Variants in ZBTB37 observed in about 807,000 individuals in gnomAD.
ZBTB37 encodes the protein zinc finger and BTB domain containing 37.
In ZBTB37, 15 loss-of-function variants were observed where a neutral mutation model predicts 37.7. The observed-to-expected ratio is 0.40, with a 90% CI of 0.27 to 0.61. ZBTB37 has a LOEUF of 0.61. ZBTB37 is among the 20% of genes least tolerant of loss of function. ZBTB37 has a pLI of 0.44. For synonymous variants in ZBTB37, 231 were observed against 220.6 expected, an observed-to-expected ratio of 1.05 and a Z score of -0.42; for missense variants, 514 against 641.9, an observed-to-expected ratio of 0.80 and a Z score of 2.15.
chr1:173,882,461 C>T (rs186886131), intron 4 of ZBTB37, among the ~76,000 whole-genome samples: 3 of 151,914 alleles, frequency 2.0e-5, no homozygotes, highest in South Asian at 2.1e-4. Context: ...AGGATGGTCT[C>T]GATCTGCTGA....
intron 3 of ZBTB37, among the ~76,000 whole-genome samples, chr1:173,872,064 A>G (rs1020573754): frequency 1.3e-5 from 2 of 152,102 alleles, no homozygotes; most frequent in Non-Finnish European, 2.9e-5. Flanking sequence ...TGGTCTTTTT[A>G]TTTTATTTTA....
chr1:173,870,972 T>C (rs1289778418), exon 3 of ZBTB37: 1 of 1,613,944 alleles, frequency 6.2e-7, no homozygotes, highest in Non-Finnish European at 8.5e-7. Flanking sequence ...AAACTGAAAA[T>C]CTGGAGGAGT....
intron 4 of ZBTB37, among the ~76,000 whole-genome samples, chr1:173,880,838 T>C (rs1423589634): frequency 6.6e-6 from 1 of 152,240 alleles, no homozygotes; most frequent in Non-Finnish European, 1.5e-5. Flanking sequence ...GATCATAATG[T>C]GTGATGTTTG....
chr1:173,875,008 T>G (rs1655852323), intron 4 of ZBTB37, among the ~76,000 whole-genome samples: 1 of 152,006 alleles, frequency 6.6e-6, no homozygotes, highest in Non-Finnish European at 1.5e-5. Flanking sequence ...TCTTTCCTGA[T>G]TATAATAACC....
exon 4 of ZBTB37, chr1:173,896,204 T>C (rs1393664102): frequency 6.6e-6 from 1 of 152,238 alleles, no homozygotes; most frequent in African/African-American, 2.4e-5. Context: ...AATTAGATTT[T>C]ATCATATAAA....
At chr1:173,896,842 G>A (rs891455596) in exon 4 of ZBTB37, 2 of 152,118 alleles carry the variant, frequency 1.3e-5, no homozygotes, top group African/African-American at 4.8e-5. Context: ...GCAGTGCAGG[G>A]AACAAAGCTT....
At chr1:173,881,850 C>A (rs914826139) in intron 4 of ZBTB37, among the ~76,000 whole-genome samples, 5 of 152,064 alleles carry the variant, frequency 3.3e-5, no homozygotes, top group Admixed American at 2.0e-4. Context: ...GTCAGGAGAT[C>A]AAGACCATCC....
chr1:173,899,792 T>G (rs929927309), exon 4 of ZBTB37: 2 of 152,202 alleles, frequency 1.3e-5, no homozygotes, highest in African/African-American at 2.4e-5. Context: ...TGATATTCCA[T>G]GCATGGCTCT....
At chr1:173,868,159 T>A (rs577111305), upstream of ZBTB37, 3 of 158,700 alleles carry the variant, frequency 1.9e-5, no homozygotes, top group Admixed American at 1.3e-4. Flanking sequence ...CCGCCCTTCC[T>A]CGCCATTGTG....
exon 4 of ZBTB37, chr1:173,899,981 T>G (rs1657196854): frequency 6.6e-6 from 1 of 152,212 alleles, no homozygotes; most frequent in Non-Finnish European, 1.5e-5. Context: ...ATCCTCTTTC[T>G]TTTGCATATG....
chr1:173,893,857 T>C (rs1480211047), exon 4 of ZBTB37: 1 of 152,214 alleles, frequency 6.6e-6, no homozygotes, highest in African/African-American at 2.4e-5. Flanking sequence ...TTATATCATA[T>C]TTTATAGATG....
chr1:173,880,158 T>A (rs984281540), intron 4 of ZBTB37, among the ~76,000 whole-genome samples: 12 of 152,196 alleles, frequency 7.9e-5, no homozygotes, highest in African/African-American at 2.9e-4. Context: ...TTTCTTATCT[T>A]CTTTGTATCT....
exon 4 of ZBTB37, chr1:173,902,267 A>G (rs1224500373): frequency 6.6e-6 from 1 of 152,266 alleles, no homozygotes; most frequent in Non-Finnish European, 1.5e-5. Flanking sequence ...TCTAAAGGCT[A>G]CCATAATATT....
chr1:173,892,038 T>C (rs931009769), exon 4 of ZBTB37: 9 of 152,250 alleles, frequency 5.9e-5, no homozygotes, highest in African/African-American at 2.2e-4. Context: ...GAGTAATAGA[T>C]AATCCTCATC....
At chr1:173,871,021 A>G in exon 3 of ZBTB37, 1 of 1,614,184 alleles carries the variant, frequency 6.2e-7, no homozygotes, top group Non-Finnish European at 8.5e-7. Flanking sequence ...AGAAGATGGG[A>G]GTAGTGCAGA....
intron 4 of ZBTB37, among the ~76,000 whole-genome samples, chr1:173,876,578 G>A (rs560566193): frequency 5.3e-5 from 8 of 152,164 alleles, no homozygotes; most frequent in Non-Finnish European, 2.9e-5. Flanking sequence ...TCAGCCTCCC[G>A]AAGTGCTGGG....
At chr1:173,889,514 G>A (rs1656759630), downstream of ZBTB37, 1 of 152,198 alleles carries the variant, frequency 6.6e-6, no homozygotes, top group African/African-American at 2.4e-5. Flanking sequence ...TAGCAAAGGA[G>A]CTATCCAGTA....
intron 4 of ZBTB37, among the ~76,000 whole-genome samples, chr1:173,882,047 C>CT (rs2102743146): frequency 6.6e-6 from 1 of 150,618 alleles, no homozygotes; most frequent in East Asian, 2.0e-4. Flanking sequence ...GAGGAAGACT[C>CT]TGTCTCAAAA....
intron 4 of ZBTB37, among the ~76,000 whole-genome samples, chr1:173,879,411 C>T (rs888465738): frequency 1.3e-5 from 2 of 151,428 alleles, no homozygotes; most frequent in African/African-American, 4.9e-5. Context: ...TTTTGGGGGT[C>T]GATGGAAAAG....
Sources: gnomAD v4.1 joint callset for allele counts (sites outside exome capture counted in the v4.1 genomes callset) on GRCh38, gnomAD v4.1.1 for gene constraint, MANE v1.5 for transcripts, NCBI Gene and HGNC (gene_info 2026-07-23, HGNC 2026-07-21) for gene names.